The following MAPKAP1 variants were observed in gnomAD, a reference collection of about 807,000 sequenced individuals.
MAPKAP1 encodes MAPK associated protein 1, also known as target of rapamycin complex 2 subunit MAPKAP1.
A neutral mutation model predicts 65.7 loss-of-function variants in MAPKAP1; 20 were observed. The ratio of observed to expected loss-of-function variants is 0.30; its 90% CI spans 0.21 to 0.44. The LOEUF is 0.44. Ranked by LOEUF, MAPKAP1 falls within the 20% of genes least tolerant of loss-of-function variation. MAPKAP1 has a pLI of 1.00. For missense variants in MAPKAP1, 423 were observed against 648.0 expected (o/e 0.65, Z 3.77); for synonymous variants, 222 against 244.3 (o/e 0.91, Z 0.85).
chr9:125,445,172 C>A (rs977971540), intron 10 of MAPKAP1, among the ~76,000 whole-genome samples: 7 of 152,138 alleles, frequency 4.6e-5, no homozygotes, highest in African/African-American at 1.7e-4. Context: ...AAAGTGGGCA[C>A]CTCACAAAGC....
intron 4 of MAPKAP1, among the ~76,000 whole-genome samples, chr9:125,601,833 C>A (rs2131611823): frequency 6.6e-6 from 1 of 152,288 alleles, no homozygotes; most frequent in Admixed American, 6.5e-5. Flanking sequence ...AAGGCCAACA[C>A]AAAGAACCTA....
chr9:125,511,706 T>A lies in MAPKAP1; in HGVS notation c.959-5289A>T, dbSNP rs548956022. Among the ~76,000 whole-genome samples, 3 of 152,292 alleles carry A rather than the reference T, an allele frequency of 2.0e-5. No homozygotes were observed. The East Asian group carries it at 5.8e-4, about 29-fold the overall frequency. On this transcript the variant is annotated intron_variant, in intron 7 of 11. Transcript: ENST00000265960. ...ATGAATATACTTTTTGCCAAAGAAA[T>A]GATTATATAAAATATAAAGGGCTCT...
chr9:125,477,180 ATTATT>A (rs954897435), intron 9 of MAPKAP1, among the ~76,000 whole-genome samples: 1 of 152,190 alleles, frequency 6.6e-6, no homozygotes, highest in African/African-American at 2.4e-5. Flanking sequence ...CTTATACAGA[ATTATT>A]TTATTAGGTT....
At chr9:125,665,946 G>A (rs1323661204) in intron 3 of MAPKAP1, among the ~76,000 whole-genome samples, 1 of 152,176 alleles carries the variant, frequency 6.6e-6, no homozygotes, top group African/African-American at 2.4e-5. Context: ...ACTTCTTGAG[G>A]AGAGGATTCA....
chr9:125,451,809 T>G (rs77119786), intron 10 of MAPKAP1, among the ~76,000 whole-genome samples: 6 of 22,358 alleles, frequency 2.7e-4, no homozygotes, highest in Non-Finnish European at 7.6e-4. Context: ...CTCACAGGAG[T>G]TTTTTTTTTT....
At chr9:125,672,293 C>A (rs765751013) in intron 2 of MAPKAP1, 23 bp downstream of exon 2, 4 of 1,611,498 alleles carry the variant, frequency 2.5e-6, no homozygotes, top group Non-Finnish European at 2.5e-6. Flanking sequence ...GCTCAGAAGA[C>A]ATGACTAGAA....
At chr9:125,611,667 A>T (rs1370964147) in intron 4 of MAPKAP1, among the ~76,000 whole-genome samples, 1 of 152,212 alleles carries the variant, frequency 6.6e-6, no homozygotes, top group Non-Finnish European at 1.5e-5. Context: ...ACAAATATCA[A>T]CCAAATGGAG....
intron 10 of MAPKAP1, among the ~76,000 whole-genome samples, chr9:125,458,256 T>C (rs1853274012): frequency 6.6e-6 from 1 of 151,348 alleles, no homozygotes; most frequent in Non-Finnish European, 1.5e-5. Flanking sequence ...CTTGGGTGTT[T>C]CTCGCAGAGT....
chr9:125,494,907 A>G (rs1316502623), intron 8 of MAPKAP1, among the ~76,000 whole-genome samples: 1 of 152,202 alleles, frequency 6.6e-6, no homozygotes, highest in African/African-American at 2.4e-5. Context: ...GTCTCAGCAC[A>G]GTGGCTGGCC....
At chr9:125,453,159 G>A (rs1853023018) in intron 10 of MAPKAP1, among the ~76,000 whole-genome samples, 1 of 152,192 alleles carries the variant, frequency 6.6e-6, no homozygotes, top group Admixed American at 6.5e-5. Flanking sequence ...CTGGGTTCAA[G>A]CAATTCTCCT....
chr9:125,601,378 G>A (rs1225671316), intron 4 of MAPKAP1, among the ~76,000 whole-genome samples: 4 of 151,796 alleles, frequency 2.6e-5, no homozygotes, highest in African/African-American at 4.8e-5. Context: ...AATTTTAAAC[G>A]TCACTATTCA....
At chr9:125,577,137 T>C (rs1438409527) in intron 5 of MAPKAP1, among the ~76,000 whole-genome samples, 1 of 145,776 alleles carries the variant, frequency 6.9e-6, no homozygotes, top group African/African-American at 2.6e-5. Context: ...CGGCCGCCCA[T>C]CGTCTGAGAT....
intron 7 of MAPKAP1, among the ~76,000 whole-genome samples, chr9:125,530,995 T>A (rs958394262): frequency 2.0e-5 from 3 of 152,386 alleles, no homozygotes; most frequent in Middle Eastern, 3.4e-3. Flanking sequence ...TTACCTCTAT[T>A]TACAGAAAAG....
chr9:125,631,758 T>C (rs1049927542), intron 4 of MAPKAP1, among the ~76,000 whole-genome samples: 3 of 152,180 alleles, frequency 2.0e-5, no homozygotes, highest in Admixed American at 2.0e-4. Context: ...TTGCCCAGAA[T>C]TTACCAGCAT....
At chr9:125,490,169 T>C (rs57810240) in intron 8 of MAPKAP1, among the ~76,000 whole-genome samples, 14,501 of 152,198 alleles carry the variant, frequency 0.095, 1,364 homozygotes, top group African/African-American at 0.25. Context: ...GGGTCCATAA[T>C]TGCAATACTA....
intron 3 of MAPKAP1, among the ~76,000 whole-genome samples, chr9:125,660,170 C>T (rs1411073836): frequency 4.6e-5 from 7 of 152,162 alleles, no homozygotes; most frequent in Admixed American, 3.3e-4. Context: ...TCTACATTCA[C>T]GCCACTGGTG....
At chr9:125,514,473 G>A (rs1308422376) in intron 7 of MAPKAP1, among the ~76,000 whole-genome samples, 1 of 152,158 alleles carries the variant, frequency 6.6e-6, no homozygotes, top group Non-Finnish European at 1.5e-5. Flanking sequence ...ATATCTGTGC[G>A]ATCATGGTTT....
intron 7 of MAPKAP1, among the ~76,000 whole-genome samples, chr9:125,535,869 C>G (rs1830060560): frequency 6.6e-6 from 1 of 152,254 alleles, no homozygotes. Context: ...TCCCATACCA[C>G]CACACAGCCT....
intron 8 of MAPKAP1, among the ~76,000 whole-genome samples, chr9:125,491,289 C>T (rs1166698046): frequency 2.0e-5 from 3 of 151,782 alleles, no homozygotes; most frequent in Non-Finnish European, 4.4e-5. Flanking sequence ...ACAAAAAATA[C>T]AAAAATTAGC....
Sources: allele counts gnomAD v4.1 joint callset (sites outside exome capture counted in the v4.1 genomes callset), GRCh38; gene constraint gnomAD v4.1.1; transcripts MANE v1.5; gene names NCBI Gene and HGNC (gene_info 2026-07-23, HGNC 2026-07-21).